PCDHA10: variants seen among roughly 807,000 people sequenced by gnomAD.
PCDHA10 encodes protocadherin alpha 10.
PCDHA10 carries 45 observed loss-of-function variants against 61.2 expected under a neutral mutation model. The observed-to-expected ratio is 0.74, with a 90% CI of 0.58 to 0.94. The LOEUF (loss-of-function observed/expected upper bound fraction) is 0.94. Among genes scored for constraint, PCDHA10 ranks in the 40% least tolerant of loss-of-function variants. The probability of loss-of-function intolerance (pLI) is 0.00; values close to 1 mark genes in which losing one functional copy is unlikely to be tolerated. For missense variants in PCDHA10, 1,278 were observed against 1,236.2 expected, an observed-to-expected ratio of 1.03 and a Z score of -0.51; for synonymous variants, 602 against 548.8, an observed-to-expected ratio of 1.10 and a Z score of -1.35.
At chr5:140,910,911 T>G (rs1326687303) in intron 1 of PCDHA10, among the ~76,000 whole-genome samples, 1 of 152,170 alleles carries the variant, frequency 6.6e-6, no homozygotes, top group African/African-American at 2.4e-5. Context: ...CCTCCAGATT[T>G]TTGCTTATAT....
intron 1 of PCDHA10, chr5:140,882,420 A>G: frequency 1.2e-6 from 2 of 1,614,046 alleles, no homozygotes; most frequent in Non-Finnish European, 1.7e-6. Flanking sequence ...ATCGCTCAGG[A>G]CCTGGGGCTG....
chr5:140,949,537 C>A (rs1359504503), intron 1 of PCDHA10, among the ~76,000 whole-genome samples: 1 of 151,692 alleles, frequency 6.6e-6, no homozygotes, highest in African/African-American at 2.4e-5. Flanking sequence ...CATAAAATAT[C>A]GATTTGTTGC....
chr5:140,949,779 T>A (rs1414817850), intron 1 of PCDHA10, among the ~76,000 whole-genome samples: 1 of 151,898 alleles, frequency 6.6e-6, no homozygotes, highest in East Asian at 1.9e-4. Context: ...ATTTGATATG[T>A]TTAGATTTGT....
chr5:140,953,475 T>C (rs1178172011), intron 1 of PCDHA10, among the ~76,000 whole-genome samples: 3 of 152,140 alleles, frequency 2.0e-5, no homozygotes, highest in African/African-American at 7.2e-5. Context: ...AACTTCCTCA[T>C]GCTGTGTCAC....
chr5:140,984,712 G>A (rs2097116348), intron 3 of PCDHA10, among the ~76,000 whole-genome samples: 1 of 152,096 alleles, frequency 6.6e-6, no homozygotes, highest in Non-Finnish European at 1.5e-5. Context: ...AGGGAATATG[G>A]CATAAAGATT....
At chr5:140,870,893 A>G in intron 1 of PCDHA10, 1 of 1,613,930 alleles carries the variant, frequency 6.2e-7, no homozygotes, top group Non-Finnish European at 8.5e-7. Flanking sequence ...CGCGCAGTGG[A>G]TGCGGACTCA....
chr5:140,891,133 A>AAAGGT (rs1241650823), intron 1 of PCDHA10, among the ~76,000 whole-genome samples: 2 of 152,106 alleles, frequency 1.3e-5, no homozygotes, highest in Non-Finnish European at 1.5e-5. Context: ...TCATTCCTTT[A>AAAGGT]AAGGTATTCT....
At chr5:140,898,445 G>GAA (rs1317860515) in intron 1 of PCDHA10, among the ~76,000 whole-genome samples, 7 of 152,126 alleles carry the variant, frequency 4.6e-5, no homozygotes, top group Admixed American at 3.3e-4. Flanking sequence ...ATTAAATAGG[G>GAA]AATCCTTTCC....
In PCDHA10 at chr5:140,869,244, C is replaced by G. The variant is rs782454826; in HGVS notation, c.2388+10808C>G. 5.6e-6 allele frequency: 9 copies of G among 1,613,658 alleles called. 1 individual carries two copies. In the South Asian group the frequency reaches 7.7e-5, roughly 14 times the overall value. ...CCAAACACGGCACCTTCGTGGGCCG[C>G]ATCGCGCAGGACCTGGGGCTGGAGC... On this transcript the variant is annotated intron_variant, in intron 1 of 3. Coordinates refer to ENST00000307360, the MANE Select transcript of PCDHA10 (RefSeq NM_018901.4).
At chr5:140,921,834 A>G (rs2080429595) in intron 1 of PCDHA10, among the ~76,000 whole-genome samples, 1 of 152,142 alleles carries the variant, frequency 6.6e-6, no homozygotes, top group Non-Finnish European at 1.5e-5. Context: ...ATACACATAT[A>G]GACATATTTA....
At chr5:140,958,946 ATAT>A (rs34256413) in intron 1 of PCDHA10, among the ~76,000 whole-genome samples, 85,222 of 151,486 alleles carry the variant, frequency 0.56, 24,557 homozygotes, top group African/African-American at 0.69. Flanking sequence ...TAATAATATT[ATAT>A]TATTATAATT....
chr5:140,873,959 C>A (rs782271124), intron 1 of PCDHA10, among the ~76,000 whole-genome samples: 1 of 152,136 alleles, frequency 6.6e-6, no homozygotes, highest in Non-Finnish European at 1.5e-5. Context: ...CTGAGCCCAG[C>A]CTATTTTTTA....
At chr5:140,944,617 G>A (rs374007868) in intron 1 of PCDHA10, among the ~76,000 whole-genome samples, 6 of 152,192 alleles carry the variant, frequency 3.9e-5, no homozygotes, top group African/African-American at 1.4e-4. Flanking sequence ...TGCTGTAGAA[G>A]TATAGTGTTG....
intron 1 of PCDHA10, among the ~76,000 whole-genome samples, chr5:140,973,646 A>C (rs1413605589): frequency 1.3e-5 from 2 of 152,216 alleles, no homozygotes; most frequent in African/African-American, 4.8e-5. Flanking sequence ...TTCTGACTGA[A>C]GAAGAAATCT....
intron 1 of PCDHA10, among the ~76,000 whole-genome samples, chr5:140,893,566 C>T (rs1283289530): frequency 6.6e-6 from 1 of 152,156 alleles, no homozygotes; most frequent in African/African-American, 2.4e-5. Flanking sequence ...AGTGTACTTC[C>T]TCAGTTTTTG....
At chr5:140,991,101 T>C (rs1281707030) in intron 3 of PCDHA10, among the ~76,000 whole-genome samples, 3 of 152,218 alleles carry the variant, frequency 2.0e-5, no homozygotes, top group African/African-American at 4.8e-5. Flanking sequence ...CTCATAAGAA[T>C]TAAGTGGCTT....
chr5:140,919,982 G>A (rs2079388824), intron 1 of PCDHA10, among the ~76,000 whole-genome samples: 2 of 151,998 alleles, frequency 1.3e-5, no homozygotes, highest in Admixed American at 6.5e-5. Context: ...GATAGAAGAT[G>A]GAAAACAGAC....
rs141558342 is a variant in PCDHA10 at position 140,862,206 on chromosome 5, T to G, written c.2388+3770T>G. The G allele has an allele frequency of 1.6e-3, 319 of 195,694 alleles. 1 individual carries two copies. The highest frequency in any genetic ancestry group is 7.0e-3 in the African/African-American group (300 of 43,022). 12.1% of individuals were successfully genotyped at this position (195,694 alleles called of 1,614,324 possible). A position where few individuals can be genotyped will look rare whatever the true frequency, so the allele number is the denominator to read the frequency against. On this transcript the variant is annotated intron_variant, in intron 1 of 3. Transcript: ENST00000307360. ...AGGCAATTCCCCAATGTTTGATCAC[T>G]GCACAGACTTGATAGAAGTCTTGGA...
chr5:140,978,652 C>T (rs555324579), intron 1 of PCDHA10, among the ~76,000 whole-genome samples: 2 of 152,320 alleles, frequency 1.3e-5, no homozygotes, highest in East Asian at 1.9e-4. Flanking sequence ...CTGTTCTTCC[C>T]GTAGTGTTTT....
Sources: gnomAD v4.1 joint callset for allele counts (sites outside exome capture counted in the v4.1 genomes callset) on GRCh38, gnomAD v4.1.1 for gene constraint, MANE v1.5 for transcripts, NCBI Gene and HGNC (gene_info 2026-07-23, HGNC 2026-07-21) for gene names.